YIPF7: variants seen among roughly 807,000 people sequenced by gnomAD.
YIPF7 encodes protein YIPF7.
In YIPF7, 35 loss-of-function variants were observed where a neutral mutation model predicts 27.2. The ratio of observed to expected loss-of-function variants is 1.29; its 90% CI spans 0.98 to 1.70. The LOEUF (loss-of-function observed/expected upper bound fraction) is 1.70, where lower values mean the gene tolerates loss of function less well. Among genes scored for constraint, YIPF7 ranks in the 40% most tolerant of loss-of-function variants. The probability of loss-of-function intolerance (pLI) is 0.00; values close to 1 mark genes in which losing one functional copy is unlikely to be tolerated. For synonymous variants in YIPF7, 137 were observed against 110.4 expected, an observed-to-expected ratio of 1.24 and a Z score of -1.51; for missense variants, 358 against 303.7, an observed-to-expected ratio of 1.18 and a Z score of -1.33.
chr4:44,658,604 T>C (rs1000220018), intron 2 of YIPF7, among the ~76,000 whole-genome samples: 6 of 152,188 alleles, frequency 3.9e-5, no homozygotes, highest in Non-Finnish European at 2.9e-5. Flanking sequence ...AAAATTCTGA[T>C]GTGAAACTGT....
At chr4:44,661,493 C>T (rs757558805) in intron 1 of YIPF7, among the ~76,000 whole-genome samples, 4 of 152,172 alleles carry the variant, frequency 2.6e-5, no homozygotes, top group Non-Finnish European at 5.9e-5. Flanking sequence ...CTGAGCATCT[C>T]TGTTCTTTGG....
At chr4:44,645,108 T>C (rs575581320) in intron 2 of YIPF7, among the ~76,000 whole-genome samples, 1 of 152,320 alleles carries the variant, frequency 6.6e-6, no homozygotes, top group South Asian at 2.1e-4. Context: ...CTTTGCTTTA[T>C]AAATTACCCA....
upstream of YIPF7, chr4:44,651,749 CTTA>C: frequency 1.9e-6 from 1 of 519,270 alleles, no homozygotes; most frequent in South Asian, 4.1e-5. Context: ...TCTTATAACA[CTTA>C]TTATGGTTTA....
At chr4:44,658,164 T>C (rs185510730) in intron 2 of YIPF7, among the ~76,000 whole-genome samples, 1 of 152,312 alleles carries the variant, frequency 6.6e-6, no homozygotes, top group Admixed American at 6.5e-5. Context: ...AATGTGATGG[T>C]ATCTGGAGGT....
chr4:44,645,686 T>A (rs974897753), intron 2 of YIPF7, among the ~76,000 whole-genome samples: 1 of 152,100 alleles, frequency 6.6e-6, no homozygotes. Context: ...CTGAATTAGA[T>A]CAAAAGAAAC....
chr4:44,651,555 T>C lies in YIPF7; in HGVS notation c.-3A>G. 6.4e-7 allele frequency: 1 copy of C among 1,573,834 alleles called. No individual in the cohort carries two copies. The highest frequency in any genetic ancestry group is 8.6e-7 in the Non-Finnish European group (1 of 1,158,208). Reference sequence around the variant, plus strand: ...CTTTTAGAAGGATCAGACACATACCTCTGTTTATTTTTTATAGAAAGATCC... The same window carrying C: ...CTTTTAGAAGGATCAGACACATACCCCTGTTTATTTTTTATAGAAAGATCC... On this transcript the variant is annotated splice_region_variant and 5_prime_UTR_variant, in exon 1 of 6. Coordinates refer to ENST00000415895, the MANE Select transcript of YIPF7 (RefSeq NM_182592.3).
In YIPF7 at chr4:44,650,009, T is replaced by C. The variant is rs200301066; in HGVS notation, c.92A>G (p.Tyr31Cys). ...QEQSGNDSNAYGNLYGSRKQQ... is the reference protein window; with the variant it reads ...QEQSGNDSNACGNLYGSRKQQ... Reference sequence around the variant, plus strand: ...CTTTCTAGATCCATAAAGATTTCCATAGGCATTAGAGTCATTACCACTCTG... The same window carrying C: ...CTTTCTAGATCCATAAAGATTTCCACAGGCATTAGAGTCATTACCACTCTG... Residue 31 changes from tyrosine to cysteine, a missense_variant, in exon 2 of 6, where the codon TAT (tyrosine) becomes TGT (cysteine). Coordinates refer to ENST00000415895, the MANE Select transcript of YIPF7 (RefSeq NM_182592.3). 2.0e-5 allele frequency: 32 copies of C among 1,566,006 alleles called. No individual in the cohort carries two copies. In the Admixed American group the frequency reaches 4.1e-4, roughly 20 times the overall value.
chr4:44,622,505 A>G lies in YIPF7; in HGVS notation c.680T>C (p.Ile227Thr). The G allele has an allele frequency of 1.9e-6, 3 of 1,613,924 alleles. No homozygotes were observed. The highest frequency in any genetic ancestry group is 1.7e-6 in the Non-Finnish European group (2 of 1,179,846). The change falls in exon 6 of 6, where the codon ATT becomes ACT. Residue 227 changes from isoleucine to threonine, a missense_variant. Transcript: ENST00000415895. ...CTGTCCTTCCATGTGCAAGGCTGCA[A>G]TGAAGATCTTGGAAGCTGAGAGACT... Reference protein sequence around the residue: ...WCSLSASKIFIAALHMEGQQL... With the variant: ...WCSLSASKIFTAALHMEGQQL...
At chr4:44,657,402 T>C (rs1337729131) in intron 2 of YIPF7, among the ~76,000 whole-genome samples, 1 of 152,214 alleles carries the variant, frequency 6.6e-6, no homozygotes, top group Non-Finnish European at 1.5e-5. Flanking sequence ...GACAAAATAA[T>C]GTTTTAAATA....
intron 2 of YIPF7, among the ~76,000 whole-genome samples, chr4:44,648,445 A>G (rs1577743032): frequency 6.6e-6 from 1 of 152,162 alleles, no homozygotes; most frequent in Non-Finnish European, 1.5e-5. Flanking sequence ...TGGTGCTCCA[A>G]TGAGTTAATG....
intron 2 of YIPF7, among the ~76,000 whole-genome samples, chr4:44,658,606 T>C (rs1173605264): frequency 6.6e-6 from 1 of 152,136 alleles, no homozygotes; most frequent in Non-Finnish European, 1.5e-5. Flanking sequence ...AATTCTGATG[T>C]GAAACTGTGC....
intron 2 of YIPF7, among the ~76,000 whole-genome samples, chr4:44,639,415 G>A (rs1713248788): frequency 6.6e-6 from 1 of 151,840 alleles, no homozygotes; most frequent in South Asian, 2.1e-4. Flanking sequence ...CACCTCCTTG[G>A]CTAATAAATG....
At chr4:44,629,095 C>T (rs1350667263) in intron 4 of YIPF7, 1 of 213,616 alleles carries the variant, frequency 4.7e-6, no homozygotes, top group African/African-American at 2.3e-5. Context: ...GGCCTTATAT[C>T]TCCCAAATCT....
chr4:44,640,729 T>C (rs561210772), intron 2 of YIPF7, among the ~76,000 whole-genome samples: 35 of 152,254 alleles, frequency 2.3e-4, no homozygotes, highest in African/African-American at 8.4e-4. Flanking sequence ...CTCATCCTGC[T>C]CAAGTAGGAG....
At chr4:44,629,228 C>T in intron 4 of YIPF7, 175 bp downstream of exon 4, 2 of 629,782 alleles carry the variant, frequency 3.2e-6, no homozygotes, top group Non-Finnish European at 4.6e-6. Flanking sequence ...TACTTTTTAG[C>T]TGTTGCAATG....
At chr4:44,653,062 T>C (rs1017928258), upstream of YIPF7, among the ~76,000 whole-genome samples, 38 of 152,084 alleles carry the variant, frequency 2.5e-4, no homozygotes, top group African/African-American at 8.9e-4. Context: ...GATAGAGATC[T>C]GATGGATGAT....
At chr4:44,633,922 T>A (rs1177822130) in intron 3 of YIPF7, among the ~76,000 whole-genome samples, 1 of 152,194 alleles carries the variant, frequency 6.6e-6, no homozygotes, top group Non-Finnish European at 1.5e-5. Context: ...GTATTCCTTT[T>A]TCCTTTTTTC....
chr4:44,629,434 A>T lies in YIPF7; in HGVS notation c.395T>A (p.Phe132Tyr). The change falls in exon 4 of 6, where the codon TTT (phenylalanine) becomes TAT (tyrosine). Residue 132 changes from phenylalanine to tyrosine, a missense_variant. Phe to Tyr is a conservative substitution (Grantham distance 22). Coordinates refer to ENST00000415895, the MANE Select transcript of YIPF7 (RefSeq NM_182592.3). ...CAAGGTGGCTCCCAGGGCTACGCAA[A>T]AAAGAATGGGTCCAGTGAGGTCCGT... ...NETDLTGPIL[F>Y]CVALGATLLL... 6.3e-7 allele frequency: 1 copy of T among 1,599,300 alleles called. No homozygotes were observed. Among genetic ancestry groups the T allele is most frequent in the South Asian group, 1.1e-5 (1 of 88,152 alleles).
chr4:44,656,064 C>G (rs1713893811), upstream of YIPF7, among the ~76,000 whole-genome samples: 1 of 151,952 alleles, frequency 6.6e-6, no homozygotes, highest in African/African-American at 2.4e-5. Context: ...GAAAACATTG[C>G]ATTCTAGCAG....
Sources: allele counts gnomAD v4.1 joint callset (sites outside exome capture counted in the v4.1 genomes callset), GRCh38; gene constraint gnomAD v4.1.1; transcripts MANE v1.5; gene names NCBI Gene and HGNC (gene_info 2026-07-23, HGNC 2026-07-21).